Variants in NCOA4 observed in about 807,000 individuals in gnomAD.
The protein encoded by NCOA4 is 70 kDa AR-activator.
In NCOA4, 31 loss-of-function variants were observed where a neutral mutation model predicts 69.5. That is an observed-to-expected ratio of 0.45 (90% CI 0.34 to 0.60). The LOEUF (loss-of-function observed/expected upper bound fraction) is 0.60. Ranked by LOEUF, NCOA4 falls within the 20% of genes least tolerant of loss-of-function variation. NCOA4 has a pLI of 0.02. For missense variants in NCOA4, 600 were observed against 719.2 expected, an observed-to-expected ratio of 0.83 and a Z score of 1.90; for synonymous variants, 228 against 252.4, an observed-to-expected ratio of 0.90 and a Z score of 0.92.
chr10:46,030,223 G>A (rs1306512541), intron 1 of NCOA4, among the ~76,000 whole-genome samples: 2 of 152,148 alleles, frequency 1.3e-5, no homozygotes, highest in Non-Finnish European at 2.9e-5. Flanking sequence ...GGTCGGGGAG[G>A]AAAGGACAGG....
At chr10:46,030,285 G>C (rs546844118) in intron 1 of NCOA4, among the ~76,000 whole-genome samples, 1 of 151,564 alleles carries the variant, frequency 6.6e-6, no homozygotes, top group Non-Finnish European at 1.5e-5. Context: ...GCCCGGGCCC[G>C]GCGTGTGGCG....
intron 1 of NCOA4, 105 bp downstream of exon 1, chr10:46,030,421 A>C (rs1564931533): frequency 6.7e-6 from 1 of 149,522 alleles, no homozygotes; most frequent in African/African-American, 2.5e-5. Flanking sequence ...AGGGAAGGAG[A>C]AGGCAGACCG....
At chr10:46,008,101 C>T (rs1456887300) in intron 9 of NCOA4, among the ~76,000 whole-genome samples, 2 of 152,226 alleles carry the variant, frequency 1.3e-5, no homozygotes, top group Non-Finnish European at 1.5e-5. Flanking sequence ...ATTGACAGTG[C>T]ACTTGGTCAC....
intron 1 of NCOA4, among the ~76,000 whole-genome samples, chr10:46,018,877 G>A (rs1161499878): frequency 2.0e-5 from 3 of 152,158 alleles, no homozygotes; most frequent in African/African-American, 7.2e-5. Context: ...AACTTTGCCA[G>A]GCCTTGACTG....
intron 1 of NCOA4, among the ~76,000 whole-genome samples, chr10:46,021,348 T>C (rs1340852143): frequency 6.6e-6 from 1 of 152,142 alleles, no homozygotes; most frequent in African/African-American, 2.4e-5. Context: ...ACACTCTCAT[T>C]CTACATATGA....
At position 46,010,155 on chromosome 10, in the gene NCOA4, C is replaced by A. The variant is rs574029248; in HGVS notation, c.1698+68G>T. 808 of 1,508,262 alleles carry A rather than the reference C, an allele frequency of 5.4e-4. 1 individual carries two copies. Among genetic ancestry groups the A allele is most frequent in the Non-Finnish European group, 6.4e-4 (728 of 1,135,294 alleles). 93.4% of individuals were successfully genotyped at this position (1,508,262 alleles called of 1,614,324 possible). ...TGCACTCCAGCCTGAGTGACAGAGA[C>A]CCCATCTCAAAATAAATGAATAAAT... On this transcript the variant is annotated intron_variant, in intron 8 of 9. Transcript: ENST00000581486.
At chr10:46,021,001 G>C in intron 1 of NCOA4, among the ~76,000 whole-genome samples, 1 of 152,278 alleles carries the variant, frequency 6.6e-6, no homozygotes, top group South Asian at 2.1e-4. Flanking sequence ...AAAGGAGGAG[G>C]AAACACACAT....
chr10:46,018,590 AG>A (rs1839701977), intron 1 of NCOA4, among the ~76,000 whole-genome samples: 1 of 152,234 alleles, frequency 6.6e-6, no homozygotes, highest in Non-Finnish European at 1.5e-5. Context: ...TTCTCCAGGA[AG>A]GAAGGCTGTT....
Position 46,009,110 on chromosome 10 carries a change from G to A in NCOA4, c.1839+301C>T. On this transcript the variant is annotated intron_variant, in intron 9 of 9. Transcript: ENST00000581486. ...GATATTTGCTTTATTGCAGTGGCCT[G>A]GAACCAAACCCACCTTCGAGGTAGG... is the stretch of plus-strand genomic sequence containing the variant. 3.3e-6 allele frequency: 5 copies of A among 1,509,674 alleles called. No homozygotes were observed. The South Asian group carries it at 3.6e-5, about 11-fold the overall frequency. The allele number at this position is 1,509,674 out of a possible 1,614,324, so 93.5% of individuals were successfully genotyped here.
In NCOA4 at chr10:46,005,767, CTG is replaced by C. The variant is rs1163662141; in HGVS notation, c.*823_*824del. On this transcript the variant is annotated 3_prime_UTR_variant, in exon 10 of 10. Transcript: ENST00000581486. ...GCACCAATTATCCCTATGATAGTGA[CTG>C]TTTCAAGTACTATACTACATTTCCA... is the stretch of plus-strand genomic sequence containing the variant. The C allele has an allele frequency of 1.9e-5, 4 of 213,676 alleles. No individual in the cohort carries two copies. The highest frequency in any genetic ancestry group is 9.0e-5 in the African/African-American group (4 of 44,362). The allele number at this position is 213,676 out of a possible 1,614,324, so 13.2% of individuals were successfully genotyped here. A position where few individuals can be genotyped will look rare whatever the true frequency, so the allele number is the denominator to read the frequency against.
chr10:46,013,065 A>G (rs1554922136), intron 6 of NCOA4, 39 bp from the exon 7 acceptor site: 1 of 1,603,176 alleles, frequency 6.2e-7, no homozygotes, highest in South Asian at 1.1e-5. Context: ...ATGCAGTAGA[A>G]AGTTCACCAG....
chr10:46,013,706 C>T, intron 5 of NCOA4, 67 bp from the exon 6 acceptor site: 2 of 1,146,718 alleles, frequency 1.7e-6, no homozygotes, highest in African/African-American at 1.6e-5. Flanking sequence ...AATTATAATT[C>T]CAAATTTCAA....
chr10:46,022,444 CT>C (rs1590175628), intron 1 of NCOA4: 7 of 454,418 alleles, frequency 1.5e-5, no homozygotes, highest in Admixed American at 5.1e-5. Context: ...TTTCTTCCGT[CT>C]TTTTTTTAAA....
intron 8 of NCOA4, 81 bp from the exon 9 acceptor site, chr10:46,009,632 G>A: frequency 7.6e-7 from 1 of 1,308,522 alleles, no homozygotes; most frequent in Non-Finnish European, 1.1e-6. Flanking sequence ...AGGGTCTACA[G>A]AGAATAATTT....
In NCOA4 at chr10:46,011,088, G is replaced by A; in HGVS notation, c.833C>T (p.Thr278Ile). 1.2e-6 allele frequency: 2 copies of A among 1,613,932 alleles called. No homozygotes were observed. Among genetic ancestry groups the A allele is most frequent in the South Asian group, 2.2e-5 (2 of 91,074 alleles). ...TTCCATTTCAATGGAGAAAGAACTAGTAGTGGAATGGCTGTTACACTTTTG... is the reference window on the plus strand; with the variant it reads ...TTCCATTTCAATGGAGAAAGAACTAATAGTGGAATGGCTGTTACACTTTTG... Reference protein sequence around the residue: ...SYQKCNSHSTTSSFSIEMEKV... With the variant: ...SYQKCNSHSTISSFSIEMEKV... The change falls in exon 8 of 10, where the codon ACT becomes ATT. Residue 278 changes from threonine to isoleucine, a missense_variant. By Grantham distance (89) the Thr-to-Ile change is moderately conservative. Transcript: ENST00000581486.
At chr10:46,017,376 G>A (rs868984737) in intron 1 of NCOA4, among the ~76,000 whole-genome samples, 4 of 151,920 alleles carry the variant, frequency 2.6e-5, no homozygotes, top group Admixed American at 6.6e-5. Flanking sequence ...GCCAGACCCC[G>A]TCTCTACAAA....
At chr10:46,012,066 GAAAGAAAAAAAAAAAAAAAAAAA>G (rs1554921785) in intron 7 of NCOA4, among the ~76,000 whole-genome samples, 131 of 6,752 alleles carry the variant, frequency 0.019, no homozygotes, top group Admixed American at 0.12. Flanking sequence ...GTCTCAAAAA[GAAAGAAAAAAAAAAAAAAAAAAA>G]AAAAAAAAAA....
Position 46,029,048 on chromosome 10 carries a change from A to G in NCOA4, c.-15+1478T>C, listed in dbSNP as rs111682000. On this transcript the variant is annotated intron_variant, in intron 1 of 9. Transcript: ENST00000581486. Reference sequence around the variant, plus strand: ...TACTGATTTAATAAAAAAAAAAAAAAGGGGGGGGTGAGGGGTACTATGTAG... The same window carrying G: ...TACTGATTTAATAAAAAAAAAAAAAGGGGGGGGGTGAGGGGTACTATGTAG... Among the ~76,000 whole-genome samples, 1,038 of 139,992 alleles carry G rather than the reference A, an allele frequency of 7.4e-3. 8 individuals carry two copies. Among genetic ancestry groups the G allele is most frequent in the Admixed American group, 0.013 (182 of 14,108 alleles). 91.8% of individuals were successfully genotyped at this position (139,992 alleles called of 152,430 possible). A position where few individuals can be genotyped will look rare whatever the true frequency, so the allele number is the denominator to read the frequency against.
chr10:46,024,331 C>T (rs1840047483), intron 1 of NCOA4, among the ~76,000 whole-genome samples: 1 of 152,178 alleles, frequency 6.6e-6, no homozygotes, highest in South Asian at 2.1e-4. Context: ...TAACTCATGT[C>T]AGGAACTTTC....
Sources: allele counts gnomAD v4.1 joint callset (sites outside exome capture counted in the v4.1 genomes callset), GRCh38; gene constraint gnomAD v4.1.1; transcripts MANE v1.5; gene names NCBI Gene and HGNC (gene_info 2026-07-23, HGNC 2026-07-21).